SLC5A12: variants seen among roughly 807,000 people sequenced by gnomAD.
The protein encoded by SLC5A12 is solute carrier family 5 member 12, also known as sodium-coupled monocarboxylate transporter 2.
In SLC5A12, 46 loss-of-function variants were observed where a neutral mutation model predicts 72.7. The observed-to-expected ratio is 0.63, with a 90% confidence interval of 0.50 to 0.81. The LOEUF is 0.81. SLC5A12 is among the 30% of genes least tolerant of loss of function. The pLI is 0.00. For synonymous variants in SLC5A12, 275 were observed against 264.4 expected, an observed-to-expected ratio of 1.04 and a Z score of -0.39; for missense variants, 683 against 740.7, an observed-to-expected ratio of 0.92 and a Z score of 0.90.
chr11:26,680,361 G>GTATATATATTCATATATA (rs1854375904), intron 12 of SLC5A12, among the ~76,000 whole-genome samples: 1 of 113,898 alleles, frequency 8.8e-6, no homozygotes, highest in African/African-American at 3.6e-5. Flanking sequence ...ATATATATAT[G>GTATATATATTCATATATA]TATATATATT....
intron 8 of SLC5A12, among the ~76,000 whole-genome samples, chr11:26,695,467 A>C (rs575102110): frequency 6.6e-6 from 1 of 152,248 alleles, no homozygotes; most frequent in East Asian, 1.9e-4. Context: ...AGTATACTAG[A>C]ATGGTGTCTG....
intron 13 of SLC5A12, among the ~76,000 whole-genome samples, chr11:26,674,663 A>G (rs911740699): frequency 3.9e-5 from 6 of 152,180 alleles, no homozygotes; most frequent in African/African-American, 9.6e-5. Context: ...TCAGCCTCCC[A>G]AAGTGCTGTG....
Position 26,712,676 on chromosome 11 carries a change from G to T in SLC5A12, c.370C>A (p.Arg124Ser). 2 of 1,590,158 alleles carry T rather than the reference G, an allele frequency of 1.3e-6. No homozygotes were observed. The highest frequency in any genetic ancestry group is 2.3e-5 in the South Asian group (2 of 88,604). ...YLQLRFNKPV[R>S]YAATVIYIVQ... ...ATGTAGATGACCGTGGCAGCATAGCGAACTGGTTTGTTGAATCGTAGTTGT... is the reference window on the plus strand; with the variant it reads ...ATGTAGATGACCGTGGCAGCATAGCTAACTGGTTTGTTGAATCGTAGTTGT... Residue 124 changes from arginine to serine, a missense_variant, in exon 2 of 15, where the codon CGC becomes AGC. Physicochemically the swap from Arg to Ser is moderately radical, Grantham distance 110. Transcript: ENST00000396005.
At chr11:26,702,483 G>C (rs1854981849) in intron 6 of SLC5A12, among the ~76,000 whole-genome samples, 1 of 152,154 alleles carries the variant, frequency 6.6e-6, no homozygotes, top group Non-Finnish European at 1.5e-5. Flanking sequence ...CAAGTATCCT[G>C]GTTAGGCTGG....
chr11:26,692,551 A>G lies in SLC5A12; in HGVS notation c.1091T>C (p.Phe364Ser). 6.2e-7 allele frequency: 1 copy of G among 1,614,134 alleles called. No individual in the cohort carries two copies. The highest frequency in any genetic ancestry group is 8.5e-7 in the Non-Finnish European group (1 of 1,179,970). ...NALATVTFED[F>S]VKSCFPHLSD... ...GAGATGAGGAAAACAGCTCTTGACA[A>G]AATCCTCAAAGGTCACTGTTGCCAA... Residue 364 changes from phenylalanine to serine, a missense_variant, in exon 9 of 15, where the codon TTT becomes TCT. By Grantham distance (155) the Phe-to-Ser change is radical. Transcript: ENST00000396005.
At chr11:26,703,453 A>G (rs529582263) in intron 6 of SLC5A12, 78 bp downstream of exon 6, 1 of 1,224,246 alleles carries the variant, frequency 8.2e-7, no homozygotes, top group Non-Finnish European at 1.2e-6. Context: ...CACACCCCCC[A>G]AGAGGAAGTA....
intron 4 of SLC5A12, among the ~76,000 whole-genome samples, chr11:26,707,587 C>A (rs1389741212): frequency 6.6e-6 from 1 of 151,854 alleles, no homozygotes; most frequent in East Asian, 1.9e-4. Flanking sequence ...AATACATTTG[C>A]TCTTTATCAT....
chr11:26,679,756 T>A (rs1042707093), intron 12 of SLC5A12, among the ~76,000 whole-genome samples: 9 of 151,990 alleles, frequency 5.9e-5, no homozygotes, highest in African/African-American at 1.7e-4. Context: ...ACAGGAAAGT[T>A]TTAAGTTTGG....
At position 26,721,900 on chromosome 11, in the gene SLC5A12, A is replaced by G; in HGVS notation, c.-186T>C. ...CAACGTGTACTTAGTGAAGATCTCAAAAGTTGACTTCAAAGAAGAATCTGG... is the reference window on the plus strand; with the variant it reads ...CAACGTGTACTTAGTGAAGATCTCAGAAGTTGACTTCAAAGAAGAATCTGG... On this transcript the variant is annotated 5_prime_UTR_variant, in exon 1 of 15. Transcript: ENST00000396005. 3.4e-6 allele frequency: 2 copies of G among 591,252 alleles called. No homozygotes were observed. Among genetic ancestry groups the G allele is most frequent in the Non-Finnish European group, 5.9e-6 (2 of 337,048 alleles). 36.6% of individuals were successfully genotyped at this position (591,252 alleles called of 1,614,324 possible).
chr11:26,679,338 G>A (rs887625187), intron 12 of SLC5A12, among the ~76,000 whole-genome samples: 1 of 152,070 alleles, frequency 6.6e-6, no homozygotes, highest in Admixed American at 6.6e-5. Flanking sequence ...AGTTAATCAA[G>A]CAAAGAGGGT....
At chr11:26,720,364 C>T (rs77541615) in intron 1 of SLC5A12, among the ~76,000 whole-genome samples, 5,517 of 103,154 alleles carry the variant, frequency 0.053, 325 homozygotes, top group African/African-American at 0.14. Flanking sequence ...TAAATAAATA[C>T]ATGGAAAAAA....
chr11:26,686,467 C>T lies in SLC5A12; in HGVS notation c.1221+10G>A. The T allele has an allele frequency of 6.2e-7, 1 of 1,613,456 alleles. No individual in the cohort carries two copies. Among genetic ancestry groups the T allele is most frequent in the Non-Finnish European group, 8.5e-7 (1 of 1,179,582 alleles). ...GTGAAACCAAATGTGTCTTTTCCTTCTTTCGTTACCTGCACAACACCTCCC... is the reference window on the plus strand; with the variant it reads ...GTGAAACCAAATGTGTCTTTTCCTTTTTTCGTTACCTGCACAACACCTCCC... On this transcript the variant is annotated intron_variant, in intron 10 of 14. Coordinates refer to ENST00000396005, the MANE Select transcript of SLC5A12 (RefSeq NM_178498.4).
intron 1 of SLC5A12, among the ~76,000 whole-genome samples, chr11:26,716,763 C>T (rs1211933017): frequency 6.6e-6 from 1 of 152,100 alleles, no homozygotes; most frequent in Admixed American, 6.6e-5. Context: ...TATTTACTTG[C>T]ATTCATCCTC....
intron 9 of SLC5A12, chr11:26,692,171 T>G (rs183100620): frequency 1.1e-3 from 204 of 188,970 alleles, no homozygotes; most frequent in Middle Eastern, 2.1e-3. Flanking sequence ...GTTTACGAAT[T>G]TGTGTTGGGC....
intron 14 of SLC5A12, among the ~76,000 whole-genome samples, chr11:26,672,148 A>G (rs1854158082): frequency 6.6e-6 from 1 of 152,078 alleles, no homozygotes; most frequent in Admixed American, 6.6e-5. Context: ...ACATGTCTGC[A>G]CCTAACTTCT....
intron 8 of SLC5A12, among the ~76,000 whole-genome samples, chr11:26,693,374 A>G (rs1164238791): frequency 6.6e-6 from 1 of 152,202 alleles, no homozygotes; most frequent in Non-Finnish European, 1.5e-5. Context: ...TTATAACAGT[A>G]AAAGAGAAAG....
chr11:26,692,848 A>T (rs576376510), intron 8 of SLC5A12, among the ~76,000 whole-genome samples: 1 of 152,306 alleles, frequency 6.6e-6, no homozygotes, highest in South Asian at 2.1e-4. Context: ...TCATAATCTA[A>T]CACCCACTAA....
In SLC5A12 at chr11:26,707,932, C is replaced by A. The variant is rs143878667; in HGVS notation, c.525+1380G>T. 1.8e-3 allele frequency among the ~76,000 whole-genome samples: 274 copies of A among 152,004 alleles called. 11 individuals carry two copies. The East Asian group carries it at 0.049, about 27-fold the overall frequency. On this transcript the variant is annotated intron_variant, in intron 4 of 14. Transcript: ENST00000396005. Reference sequence around the variant, plus strand: ...TCTGAAGTGCATCACTGGAGTAAAACCATGCCAGCTCCCCCCAAGGATTCT... The same window carrying A: ...TCTGAAGTGCATCACTGGAGTAAAAACATGCCAGCTCCCCCCAAGGATTCT...
intron 8 of SLC5A12, among the ~76,000 whole-genome samples, chr11:26,696,117 T>C (rs1854805892): frequency 2.6e-5 from 4 of 152,220 alleles, no homozygotes; most frequent in Non-Finnish European, 5.9e-5. Context: ...TTCCTTTATA[T>C]ACTATTTGCT....
Sources: allele counts gnomAD v4.1 joint callset (sites outside exome capture counted in the v4.1 genomes callset), GRCh38; gene constraint gnomAD v4.1.1; transcripts MANE v1.5; gene names NCBI Gene and HGNC (gene_info 2026-07-23, HGNC 2026-07-21).